LDLRAD3: variants seen among roughly 807,000 people sequenced by gnomAD.
LDLRAD3 encodes low-density lipoprotein receptor class A domain-containing protein 3.
A neutral mutation model predicts 29.4 loss-of-function variants in LDLRAD3; 20 were observed. The ratio of observed to expected loss-of-function variants is 0.68; its 90% CI spans 0.48 to 0.99. LDLRAD3 has a LOEUF of 0.99. Ranked by LOEUF, LDLRAD3 falls within the 50% of genes least tolerant of loss-of-function variation. The pLI is 0.00. For missense variants in LDLRAD3, 420 were observed against 454.3 expected, an observed-to-expected ratio of 0.92 and a Z score of 0.69; for synonymous variants, 157 against 192.7, an observed-to-expected ratio of 0.81 and a Z score of 1.53.
chr11:36,072,108 G>A (rs1398243043), intron 2 of LDLRAD3, among the ~76,000 whole-genome samples: 1 of 152,212 alleles, frequency 6.6e-6, no homozygotes, highest in Non-Finnish European at 1.5e-5. Context: ...GCCACATACT[G>A]GCAGGATCCT....
intron 4 of LDLRAD3, among the ~76,000 whole-genome samples, chr11:36,106,069 C>G (rs1004179880): frequency 6.6e-6 from 1 of 152,166 alleles, no homozygotes; most frequent in African/African-American, 2.4e-5. Context: ...AAAGAATCCC[C>G]TTGGCAGGGA....
At chr11:36,170,978 T>A (rs1435199182) in intron 4 of LDLRAD3, among the ~76,000 whole-genome samples, 1 of 152,056 alleles carries the variant, frequency 6.6e-6, no homozygotes, top group Non-Finnish European at 1.5e-5. Flanking sequence ...ATTTTTGTAT[T>A]TTTAGTAGAG....
intron 4 of LDLRAD3, among the ~76,000 whole-genome samples, chr11:36,224,563 T>C (rs961873598): frequency 6.6e-6 from 1 of 152,136 alleles, no homozygotes; most frequent in Non-Finnish European, 1.5e-5. Context: ...CTCCCTTAAT[T>C]GTAGTGCAGC....
chr11:36,204,214 G>A (rs1030764126), intron 4 of LDLRAD3, among the ~76,000 whole-genome samples: 1 of 152,158 alleles, frequency 6.6e-6, no homozygotes, highest in African/African-American at 2.4e-5. Flanking sequence ...GAGGCTCTGG[G>A]CAGAACATCC....
At chr11:36,004,658 C>T (rs1176803992) in intron 1 of LDLRAD3, among the ~76,000 whole-genome samples, 1 of 152,218 alleles carries the variant, frequency 6.6e-6, no homozygotes, top group Non-Finnish European at 1.5e-5. Flanking sequence ...CGTATAGGGG[C>T]TCCAACCCCA....
chr11:35,949,506 C>T (rs1038291519), intron 1 of LDLRAD3, among the ~76,000 whole-genome samples: 1 of 152,200 alleles, frequency 6.6e-6, no homozygotes, highest in Non-Finnish European at 1.5e-5. Context: ...AATTCCTTCT[C>T]CCTTGCCATC....
At chr11:36,076,844 GA>G (rs1038440553) in intron 2 of LDLRAD3, among the ~76,000 whole-genome samples, 11 of 151,958 alleles carry the variant, frequency 7.2e-5, no homozygotes, top group Admixed American at 2.0e-4. Context: ...CAGTATTGTA[GA>G]TTTTTTTTTT....
intron 4 of LDLRAD3, among the ~76,000 whole-genome samples, chr11:36,101,342 A>G (rs920695254): frequency 6.6e-6 from 1 of 152,328 alleles, no homozygotes. Context: ...TGCTCTGTAC[A>G]TAGTGGATTT....
intron 2 of LDLRAD3, among the ~76,000 whole-genome samples, chr11:36,063,746 C>T (rs1055877627): frequency 6.6e-6 from 1 of 152,174 alleles, no homozygotes; most frequent in Non-Finnish European, 1.5e-5. Flanking sequence ...TCTAGACACT[C>T]AATTTTATTT....
At chr11:36,009,676 AT>A (rs1264599019) in intron 1 of LDLRAD3, among the ~76,000 whole-genome samples, 2 of 152,144 alleles carry the variant, frequency 1.3e-5, no homozygotes, top group Non-Finnish European at 2.9e-5. Context: ...TCTGTTGCTG[AT>A]TTGCTTACCG....
At chr11:36,146,119 A>G (rs1358475809) in intron 4 of LDLRAD3, among the ~76,000 whole-genome samples, 1 of 152,204 alleles carries the variant, frequency 6.6e-6, no homozygotes, top group Non-Finnish European at 1.5e-5. Flanking sequence ...GCTGGTGAGA[A>G]GCACCAAGAC....
At chr11:36,086,584 A>G (rs1379597125) in intron 3 of LDLRAD3, among the ~76,000 whole-genome samples, 1 of 152,206 alleles carries the variant, frequency 6.6e-6, no homozygotes, top group African/African-American at 2.4e-5. Flanking sequence ...GTCCATGTGC[A>G]TGCAGCTTGA....
chr11:36,070,347 T>C (rs1292084488), intron 2 of LDLRAD3, among the ~76,000 whole-genome samples: 1 of 152,222 alleles, frequency 6.6e-6, no homozygotes, highest in Non-Finnish European at 1.5e-5. Context: ...CGTTTGTATA[T>C]GAGCCCACAG....
chr11:36,123,408 G>C (rs913420445), intron 4 of LDLRAD3, among the ~76,000 whole-genome samples: 12 of 152,144 alleles, frequency 7.9e-5, no homozygotes, highest in Non-Finnish European at 1.5e-4. Context: ...CTTTCTCCTG[G>C]GAGCAATGTG....
At chr11:36,225,372 C>T (rs1855484683) in intron 4 of LDLRAD3, among the ~76,000 whole-genome samples, 1 of 152,190 alleles carries the variant, frequency 6.6e-6, no homozygotes, top group Non-Finnish European at 1.5e-5. Context: ...TGGTTTCCTC[C>T]ACCTGCCTGG....
chr11:35,997,166 T>C, intron 1 of LDLRAD3: 1 of 271,668 alleles, frequency 3.7e-6, no homozygotes, highest in Non-Finnish European at 7.1e-6. Flanking sequence ...AATGATCCTT[T>C]ATTGAAATGT....
At chr11:36,049,791 C>G (rs995521685) in intron 2 of LDLRAD3, among the ~76,000 whole-genome samples, 1 of 152,204 alleles carries the variant, frequency 6.6e-6, no homozygotes, top group African/African-American at 2.4e-5. Flanking sequence ...CCTGAAAAGG[C>G]ATCACTTGCA....
chr11:36,229,626 C>A lies in LDLRAD3; in HGVS notation c.*229C>A. On this transcript the variant is annotated 3_prime_UTR_variant, in exon 6 of 6. Coordinates refer to ENST00000315571, the MANE Select transcript of LDLRAD3 (RefSeq NM_174902.4). ...GTCTTTTCTGTCAGGTCACTCTTCC[C>A]TTGGGACCCGAGATCACACCCTCAT... is the stretch of plus-strand genomic sequence containing the variant. 2.2e-6 allele frequency: 1 copy of A among 465,098 alleles called. No homozygotes were observed. The highest frequency in any genetic ancestry group is 5.4e-5 in the South Asian group (1 of 18,680). 28.8% of individuals were successfully genotyped at this position (465,098 alleles called of 1,614,324 possible).
At position 36,005,434 on chromosome 11, in the gene LDLRAD3, A is replaced by T. The variant is rs1590200948; in HGVS notation, c.47-30669A>T. ...AGAGTGACCTTTACTCCCGTTCCCG[A>T]TAAGTTCCTCATCTCCATCTGAGAC... On this transcript the variant is annotated intron_variant, in intron 1 of 5. Coordinates refer to ENST00000315571, the MANE Select transcript of LDLRAD3 (RefSeq NM_174902.4). 2.0e-5 allele frequency among the ~76,000 whole-genome samples: 3 copies of T among 152,190 alleles called. No individual in the cohort carries two copies. In the East Asian group the frequency reaches 5.8e-4, roughly 29 times the overall value.
Sources: gnomAD v4.1 joint callset for allele counts (sites outside exome capture counted in the v4.1 genomes callset) on GRCh38, gnomAD v4.1.1 for gene constraint, MANE v1.5 for transcripts, NCBI Gene and HGNC (gene_info 2026-07-23, HGNC 2026-07-21) for gene names.